CTNNA3: variants seen among roughly 807,000 people sequenced by gnomAD.
CTNNA3 encodes catenin alpha-3.
A neutral mutation model predicts 95.7 loss-of-function variants in CTNNA3; 76 were observed. The observed-to-expected ratio is 0.79, with a 90% CI of 0.66 to 0.96. CTNNA3 has a LOEUF of 0.96. CTNNA3 is among the 40% of genes least tolerant of loss of function. The pLI, the probability that CTNNA3 is intolerant of heterozygous loss-of-function variation, is 0.00. For missense variants in CTNNA3, 1,191 were observed against 1,089.8 expected, an observed-to-expected ratio of 1.09 and a Z score of -1.31; for synonymous variants, 431 against 374.4, an observed-to-expected ratio of 1.15 and a Z score of -1.74.
At chr10:66,727,409 G>T (rs1156554152) in intron 9 of CTNNA3, among the ~76,000 whole-genome samples, 3 of 151,910 alleles carry the variant, frequency 2.0e-5, no homozygotes, top group African/African-American at 7.2e-5. Flanking sequence ...TAGTCAAGGG[G>T]AAAAAATAAA....
chr10:66,572,107 G>T, intron 10 of CTNNA3, among the ~76,000 whole-genome samples: 1 of 152,178 alleles, frequency 6.6e-6, no homozygotes, highest in South Asian at 2.1e-4. Flanking sequence ...ATGAGGCCGG[G>T]AGTGGTGGCT....
chr10:67,059,684 G>A (rs1471058698), intron 7 of CTNNA3, among the ~76,000 whole-genome samples: 1 of 152,112 alleles, frequency 6.6e-6, no homozygotes, highest in East Asian at 1.9e-4. Flanking sequence ...TGGTTTCCCT[G>A]AACATCCAAA....
intron 13 of CTNNA3, among the ~76,000 whole-genome samples, chr10:66,179,714 T>C (rs1298321084): frequency 1.3e-5 from 2 of 152,052 alleles, no homozygotes; most frequent in African/African-American, 4.8e-5. Flanking sequence ...ATTTTTAAGT[T>C]TTTCTACGGG....
intron 10 of CTNNA3, among the ~76,000 whole-genome samples, chr10:66,616,503 T>A (rs909829542): frequency 6.6e-5 from 10 of 152,126 alleles, no homozygotes; most frequent in Non-Finnish European, 1.5e-4. Flanking sequence ...AAATTCCCTA[T>A]TGCTTTTCTG....
intron 8 of CTNNA3, 119 bp downstream of exon 8, chr10:66,775,325 T>TG: frequency 1.8e-6 from 1 of 557,434 alleles, no homozygotes; most frequent in East Asian, 3.1e-5. Context: ...ATATTTACTC[T>TG]TTTTTTCCTG....
At chr10:66,720,790 G>A (rs71496004) in intron 9 of CTNNA3, among the ~76,000 whole-genome samples, 3,657 of 152,044 alleles carry the variant, frequency 0.024, 184 homozygotes, top group East Asian at 0.22. Flanking sequence ...CCGAGATCGC[G>A]CCACTGCACT....
chr10:66,957,002 G>C (rs1057352373), intron 7 of CTNNA3, among the ~76,000 whole-genome samples: 1 of 152,178 alleles, frequency 6.6e-6, no homozygotes, highest in Non-Finnish European at 1.5e-5. Context: ...ATGGAATGTA[G>C]AAGATAATTC....
chr10:67,444,401 C>T (rs1056371260), intron 5 of CTNNA3, among the ~76,000 whole-genome samples: 1 of 151,908 alleles, frequency 6.6e-6, no homozygotes, highest in Non-Finnish European at 1.5e-5. Flanking sequence ...AAAGTAGCTC[C>T]AGGAGGCAAG....
At chr10:67,576,929 A>T (rs1410675915) in intron 3 of CTNNA3, among the ~76,000 whole-genome samples, 1 of 126,860 alleles carries the variant, frequency 7.9e-6, no homozygotes, top group Non-Finnish European at 1.5e-5. Flanking sequence ...TATATGTGCC[A>T]CATTTTCTTA....
chr10:66,857,300 T>A (rs1022354666), intron 7 of CTNNA3, among the ~76,000 whole-genome samples: 1 of 152,268 alleles, frequency 6.6e-6, no homozygotes, highest in African/African-American at 2.4e-5. Flanking sequence ...TTTAGGTTAC[T>A]GCAGCCTTGT....
chr10:66,224,080 C>T (rs1401771547), intron 13 of CTNNA3, among the ~76,000 whole-genome samples: 4 of 152,068 alleles, frequency 2.6e-5, no homozygotes, highest in African/African-American at 9.7e-5. Context: ...AGGGGAAATT[C>T]ACTACAGTTT....
At chr10:66,956,901 A>G (rs534529578) in intron 7 of CTNNA3, among the ~76,000 whole-genome samples, 1 of 152,338 alleles carries the variant, frequency 6.6e-6, no homozygotes, top group East Asian at 1.9e-4. Context: ...AGAGTTTAGA[A>G]GCTTTTTGGG....
At chr10:67,274,785 G>C (rs751809961) in intron 5 of CTNNA3, among the ~76,000 whole-genome samples, 1 of 152,078 alleles carries the variant, frequency 6.6e-6, no homozygotes, top group Non-Finnish European at 1.5e-5. Flanking sequence ...CCATGATCAT[G>C]TCATGGCACT....
At chr10:66,165,264 T>C (rs1321320147) in intron 13 of CTNNA3, among the ~76,000 whole-genome samples, 1 of 151,998 alleles carries the variant, frequency 6.6e-6, no homozygotes, top group Non-Finnish European at 1.5e-5. Flanking sequence ...ATATGCCATA[T>C]ATAAAGATGG....
intron 7 of CTNNA3, among the ~76,000 whole-genome samples, chr10:66,998,556 T>TG (rs1283071357): frequency 6.6e-6 from 1 of 151,510 alleles, no homozygotes; most frequent in Admixed American, 6.6e-5. Context: ...AGATGAAGAA[T>TG]GACAATGAAC....
intron 12 of CTNNA3, among the ~76,000 whole-genome samples, chr10:66,339,826 C>G (rs774744759): frequency 3.3e-5 from 5 of 151,754 alleles, no homozygotes; most frequent in Non-Finnish European, 7.4e-5. Flanking sequence ...ATTAAGTCAC[C>G]ATTTTCTACT....
intron 5 of CTNNA3, among the ~76,000 whole-genome samples, chr10:67,513,499 T>A (rs1839707957): frequency 6.6e-6 from 1 of 152,222 alleles, no homozygotes; most frequent in Non-Finnish European, 1.5e-5. Context: ...AAGGGGACTA[T>A]GAGGGGCTCC....
intron 5 of CTNNA3, among the ~76,000 whole-genome samples, chr10:67,431,237 G>A (rs1846101858): frequency 6.6e-6 from 1 of 152,008 alleles, no homozygotes; most frequent in South Asian, 2.1e-4. Context: ...GAAAAGGATG[G>A]TGGTTATCAG....
At chr10:66,176,215 A>G (rs1196226256) in intron 13 of CTNNA3, among the ~76,000 whole-genome samples, 1 of 152,174 alleles carries the variant, frequency 6.6e-6, no homozygotes, top group African/African-American at 2.4e-5. Flanking sequence ...TAATTATACA[A>G]TTAAATGAAG....
Sources: allele counts gnomAD v4.1 joint callset (sites outside exome capture counted in the v4.1 genomes callset), GRCh38; gene constraint gnomAD v4.1.1; transcripts MANE v1.5; gene names NCBI Gene and HGNC (gene_info 2026-07-23, HGNC 2026-07-21).